Variants in RALYL observed in about 807,000 individuals in gnomAD.
RALYL encodes RALY RNA binding protein like.
RALYL carries 29 observed loss-of-function variants against 35.1 expected under a neutral mutation model. The ratio of observed to expected loss-of-function variants is 0.83; its 90% CI spans 0.61 to 1.13. RALYL has a LOEUF of 1.13. RALYL is among the 50% of genes most tolerant of loss of function. RALYL has a pLI of 0.00. For synonymous variants in RALYL, 120 were observed against 127.6 expected, an observed-to-expected ratio of 0.94 and a Z score of 0.40; for missense variants, 359 against 360.4, an observed-to-expected ratio of 1.00 and a Z score of 0.03.
chr8:84,800,163 A>G (rs2133957955), intron 3 of RALYL, among the ~76,000 whole-genome samples: 1 of 152,334 alleles, frequency 6.6e-6, no homozygotes, highest in East Asian at 1.9e-4. Context: ...AGAAGTATAA[A>G]GACAGACAAT....
intron 1 of RALYL, among the ~76,000 whole-genome samples, chr8:84,364,873 T>C (rs529149067): frequency 4.1e-4 from 63 of 152,284 alleles, no homozygotes; most frequent in South Asian, 1.9e-3. Flanking sequence ...AAGGAATATA[T>C]GATTTAGAAA....
intron 1 of RALYL, among the ~76,000 whole-genome samples, chr8:84,441,375 T>C (rs1024684926): frequency 3.3e-5 from 5 of 152,090 alleles, no homozygotes; most frequent in Admixed American, 6.6e-5. Flanking sequence ...CCTCGGAATA[T>C]ATTGGAGAGA....
intron 1 of RALYL, among the ~76,000 whole-genome samples, chr8:84,473,929 T>C (rs1341543380): frequency 1.3e-5 from 2 of 152,046 alleles, no homozygotes; most frequent in African/African-American, 4.8e-5. Context: ...AATTTTTAAA[T>C]TCTTTGTCTC....
chr8:84,736,217 G>A lies in RALYL; in HGVS notation c.257-38362G>A, dbSNP rs187655697. On this transcript the variant is annotated intron_variant, in intron 2 of 8. Coordinates refer to ENST00000521268, the MANE Select transcript of RALYL (RefSeq NM_173848.7). ...AATTAATGCTGTTTTCAAAGATGCC[G>A]GAATTCCACATCAGCACAAAAAGTA... 7.8e-4 allele frequency among the ~76,000 whole-genome samples: 119 copies of A among 152,086 alleles called. 1 individual carries two copies. The highest frequency in any genetic ancestry group is 6.8e-3 in the Middle Eastern group (2 of 294).
intron 2 of RALYL, among the ~76,000 whole-genome samples, chr8:84,771,799 A>T (rs1815596970): frequency 6.6e-6 from 1 of 151,976 alleles, no homozygotes; most frequent in African/African-American, 2.4e-5. Flanking sequence ...CCTTTGTCAA[A>T]TTTATGGTTC....
intron 1 of RALYL, among the ~76,000 whole-genome samples, chr8:84,419,743 G>A (rs989881788): frequency 1.6e-5 from 2 of 128,924 alleles, no homozygotes; most frequent in African/African-American, 6.2e-5. Context: ...TCCCCTTCCT[G>A]TGTCCATGTG....
chr8:84,806,104 C>T (rs1302917181), intron 4 of RALYL, among the ~76,000 whole-genome samples: 1 of 152,138 alleles, frequency 6.6e-6, no homozygotes. Flanking sequence ...TTCCCAATTC[C>T]TTTCTACTCT....
At chr8:84,775,091 A>G (rs1816520487) in intron 3 of RALYL, among the ~76,000 whole-genome samples, 1 of 152,032 alleles carries the variant, frequency 6.6e-6, no homozygotes, top group South Asian at 2.1e-4. Context: ...CTGGGATTGC[A>G]GGTGCCCACC....
intron 2 of RALYL, among the ~76,000 whole-genome samples, chr8:84,768,218 T>C (rs908731121): frequency 6.6e-6 from 1 of 152,178 alleles, no homozygotes; most frequent in African/African-American, 2.4e-5. Context: ...GAGTTACTGC[T>C]AGGATGCCAT....
chr8:84,658,906 C>G lies in RALYL; in HGVS notation c.257-115673C>G, dbSNP rs149878357. Among the ~76,000 whole-genome samples, 6 of 152,124 alleles carry G rather than the reference C, an allele frequency of 3.9e-5. No individual in the cohort carries two copies. The East Asian group carries it at 1.2e-3, about 30-fold the overall frequency. On this transcript the variant is annotated intron_variant, in intron 2 of 8. Transcript: ENST00000521268. ...TGTCTCAGTTTGCGGCTGGATATGG[C>G]TGCCGTGAAAACACAAGGGCTCTCT...
At chr8:84,739,589 C>T (rs1003773235) in intron 2 of RALYL, among the ~76,000 whole-genome samples, 1 of 151,358 alleles carries the variant, frequency 6.6e-6, no homozygotes, top group Non-Finnish European at 1.5e-5. Flanking sequence ...ATATATATAT[C>T]CACACATACA....
chr8:84,388,027 G>A (rs1859650896), intron 1 of RALYL, among the ~76,000 whole-genome samples: 1 of 151,912 alleles, frequency 6.6e-6, no homozygotes, highest in Non-Finnish European at 1.5e-5. Context: ...AGAGTGTGAT[G>A]TTCCCCTTCC....
intron 2 of RALYL, among the ~76,000 whole-genome samples, chr8:84,617,421 G>T (rs1300633002): frequency 6.8e-6 from 1 of 147,848 alleles, no homozygotes; most frequent in Non-Finnish European, 1.5e-5. Flanking sequence ...AAGAATGCTT[G>T]TGATTTTTGT....
chr8:84,836,300 G>T (rs886526676), intron 4 of RALYL, among the ~76,000 whole-genome samples: 1 of 152,146 alleles, frequency 6.6e-6, no homozygotes, highest in African/African-American at 2.4e-5. Context: ...AGCAAGCAAA[G>T]AATGAGAGCT....
chr8:84,676,081 T>C (rs1007134611), intron 2 of RALYL, among the ~76,000 whole-genome samples: 4 of 152,198 alleles, frequency 2.6e-5, no homozygotes, highest in African/African-American at 7.2e-5. Flanking sequence ...TTGTCAAGTA[T>C]ACCTCAACAA....
At chr8:84,706,048 A>T in intron 2 of RALYL, 1 of 1,535,258 alleles carries the variant, frequency 6.5e-7, no homozygotes, top group African/African-American at 1.4e-5. Flanking sequence ...GAGCAAACGC[A>T]GACATCAGAG....
At chr8:84,736,117 AAGAATT>A (rs1847267093) in intron 2 of RALYL, among the ~76,000 whole-genome samples, 1 of 152,130 alleles carries the variant, frequency 6.6e-6, no homozygotes. Context: ...ATAACGAACA[AAGAATT>A]AGAATAATAA....
Position 84,702,166 on chromosome 8 carries a change from C to G in RALYL, c.257-72413C>G, listed in dbSNP as rs368136534. Reference sequence around the variant, plus strand: ...GACCTCAGCACCTAATGAACATTCTCTAAATTTTAGCTCTTTTTAAATCAC... The same window carrying G: ...GACCTCAGCACCTAATGAACATTCTGTAAATTTTAGCTCTTTTTAAATCAC... On this transcript the variant is annotated intron_variant, in intron 2 of 8. Transcript: ENST00000521268. Among the ~76,000 whole-genome samples, 68 of 152,244 alleles carry G rather than the reference C, an allele frequency of 4.5e-4. No homozygotes were observed. In the South Asian group the frequency reaches 0.014, roughly 31 times the overall value.
intron 1 of RALYL, among the ~76,000 whole-genome samples, chr8:84,306,318 T>TA (rs1309744897): frequency 6.6e-6 from 1 of 152,140 alleles, no homozygotes; most frequent in South Asian, 2.1e-4. Context: ...TTGTACATGA[T>TA]AAAAAGGAGG....
Sources: gnomAD v4.1 joint callset for allele counts (sites outside exome capture counted in the v4.1 genomes callset) on GRCh38, gnomAD v4.1.1 for gene constraint, MANE v1.5 for transcripts, NCBI Gene and HGNC (gene_info 2026-07-23, HGNC 2026-07-21) for gene names.